Variants in PCDHA6 observed in about 807,000 individuals in gnomAD.
PCDHA6 encodes the protein protocadherin alpha-6.
Under a neutral mutation model 60.3 loss-of-function variants are expected in PCDHA6, and 55 were observed. That is an observed-to-expected ratio of 0.91 (90% CI 0.73 to 1.14). The LOEUF is 1.14. Among genes scored for constraint, PCDHA6 ranks in the 50% most tolerant of loss-of-function variants. The pLI is 0.00. For missense variants in PCDHA6, 1,327 were observed against 1,256.5 expected, an observed-to-expected ratio of 1.06 and a Z score of -0.85; for synonymous variants, 652 against 557.9, an observed-to-expected ratio of 1.17 and a Z score of -2.38.
chr5:140,835,795 G>GC, intron 1 of PCDHA6: 1 of 1,613,068 alleles, frequency 6.2e-7, no homozygotes, highest in Admixed American at 1.7e-5. Flanking sequence ...AACCCGCCGG[G>GC]CTGCCACATC....
intron 1 of PCDHA6, chr5:140,969,343 G>C: frequency 1.2e-6 from 2 of 1,613,728 alleles, no homozygotes; most frequent in Non-Finnish European, 1.7e-6. Flanking sequence ...TGAGACAGTG[G>C]TCAGGGGGTC....
At chr5:140,836,560 C>G (rs782229036) in intron 1 of PCDHA6, 1 of 1,613,738 alleles carries the variant, frequency 6.2e-7, no homozygotes, top group Non-Finnish European at 8.5e-7. Flanking sequence ...TGCTCAGCGC[C>G]GTCCTCTGAG....
At position 141,009,794 on chromosome 5, in the gene PCDHA6, A is replaced by G. The variant is rs1314860754; in HGVS notation, c.2710A>G (p.Thr904Ala). 1.2e-6 allele frequency: 2 copies of G among 1,614,042 alleles called. No homozygotes were observed. Among genetic ancestry groups the G allele is most frequent in the South Asian group, 1.1e-5 (1 of 91,076 alleles). Reference protein sequence around the residue: ...PAIISIRQEPTNSQIDKSDFI... With the variant: ...PAIISIRQEPANSQIDKSDFI... ...AATCATCTCCATCCGGCAGGAGCCTACTAACAGCCAAATTGACAAAAGTGA... is the reference window on the plus strand; with the variant it reads ...AATCATCTCCATCCGGCAGGAGCCTGCTAACAGCCAAATTGACAAAAGTGA... The change falls in exon 4 of 4, where the codon ACT (threonine) becomes GCT (alanine). Residue 904 changes from threonine (T) to alanine (A), a missense_variant. Physicochemically the swap from Thr to Ala is moderately conservative, Grantham distance 58. Coordinates refer to ENST00000529310, the MANE Select transcript of PCDHA6 (RefSeq NM_018909.4).
chr5:140,969,005 G>A (rs149076230), intron 1 of PCDHA6: 1 of 1,614,168 alleles, frequency 6.2e-7, no homozygotes, highest in Non-Finnish European at 8.5e-7. Flanking sequence ...AGGCTTCTGT[G>A]GAGTAAGGGA....
chr5:140,835,890 G>A (rs147416989), intron 1 of PCDHA6: 18 of 1,611,850 alleles, frequency 1.1e-5, no homozygotes, highest in Non-Finnish European at 1.4e-5. Context: ...GGGCGAGCGC[G>A]CGCTGTCGAG....
intron 1 of PCDHA6, chr5:140,869,555 G>C (rs2051240207): frequency 6.2e-7 from 1 of 1,614,054 alleles, no homozygotes; most frequent in Non-Finnish European, 8.5e-7. Flanking sequence ...TCGGACTCGC[G>C]TTTTCCACTA....
chr5:140,870,052 A>C (rs782520778), intron 1 of PCDHA6: 1 of 1,613,830 alleles, frequency 6.2e-7, no homozygotes, highest in Non-Finnish European at 8.5e-7. Flanking sequence ...GTTTTATAAA[A>C]TTGAAGTACA....
intron 3 of PCDHA6, among the ~76,000 whole-genome samples, chr5:141,000,248 C>T (rs1027764843): frequency 2.6e-5 from 4 of 151,280 alleles, no homozygotes; most frequent in Non-Finnish European, 4.4e-5. Context: ...GTGGCTGACA[C>T]CTGTGATCCT....
rs149795080 is a variant in PCDHA6 at position 140,995,000 on chromosome 5, T to C, written c.2542+12437T>C. Among the ~76,000 whole-genome samples the C allele has an allele frequency of 1.7e-3, 261 of 152,326 alleles. 1 individual carries two copies. The highest frequency in any genetic ancestry group is 6.1e-3 in the African/African-American group (253 of 41,578). ...GAGACCCACTAGAAGGTTAGTTGGTTTGTTTATATTTAGGAAAGAAGATTC... is the reference window on the plus strand; with the variant it reads ...GAGACCCACTAGAAGGTTAGTTGGTCTGTTTATATTTAGGAAAGAAGATTC... On this transcript the variant is annotated intron_variant, in intron 3 of 3. Transcript: ENST00000529310.
chr5:140,869,288 G>A lies in PCDHA6; in HGVS notation c.2394+38803G>A, dbSNP rs950790626. 6.2e-6 allele frequency: 10 copies of A among 1,613,460 alleles called. No individual in the cohort carries two copies. The highest frequency in any genetic ancestry group is 1.7e-5 in the Admixed American group (1 of 59,996). On this transcript the variant is annotated intron_variant, in intron 1 of 3. Coordinates refer to ENST00000529310, the MANE Select transcript of PCDHA6 (RefSeq NM_018909.4). ...CTGGAGCTGGCGGAGCTGGTGCAGC[G>A]CCTGTTCCGGGTGGCGTCCAAAACA...
intron 1 of PCDHA6, chr5:140,966,970 G>A (rs1554228990): frequency 6.2e-7 from 1 of 1,602,870 alleles, no homozygotes; most frequent in Admixed American, 1.7e-5. Flanking sequence ...TGGGGCTTGA[G>A]CTGCGGCGCT....
At chr5:140,857,662 TGGG>T (rs782196034) in intron 1 of PCDHA6, 1 of 1,596,528 alleles carries the variant, frequency 6.3e-7, no homozygotes. Context: ...GCGCGCGCGA[TGGG>T]GGCGTGCCGC....
Position 140,886,603 on chromosome 5 carries a change from G to GGATCAGGA in PCDHA6, c.2394+56128_2394+56135dup, listed in dbSNP as rs567691866. On this transcript the variant is annotated intron_variant, in intron 1 of 3. Coordinates refer to ENST00000529310, the MANE Select transcript of PCDHA6 (RefSeq NM_018909.4). ...AGCACTTTGGGAGGCCAAGGTGGGC[G>GGATCAGGA]GATCAGGAGATCAGGAGTCCGAGAC... 2.7e-3 allele frequency among the ~76,000 whole-genome samples: 409 copies of GGATCAGGA among 152,092 alleles called. 3 individuals carry two copies. The highest frequency in any genetic ancestry group is 0.014 in the Middle Eastern group (4 of 294).
At chr5:140,985,818 C>T (rs1377098916) in intron 3 of PCDHA6, among the ~76,000 whole-genome samples, 1 of 142,038 alleles carries the variant, frequency 7.0e-6, no homozygotes, top group Non-Finnish European at 1.5e-5. Flanking sequence ...CAGCTCACAA[C>T]AAGCTCTGCC....
At chr5:140,967,390 G>A (rs2096135950) in intron 1 of PCDHA6, 2 of 1,609,752 alleles carry the variant, frequency 1.2e-6, no homozygotes, top group African/African-American at 1.3e-5. Context: ...AAGTGCTTGA[G>A]CTGGTGCTGC....
At chr5:140,900,270 T>C (rs1203586696) in intron 1 of PCDHA6, among the ~76,000 whole-genome samples, 1 of 152,082 alleles carries the variant, frequency 6.6e-6, no homozygotes, top group Non-Finnish European at 1.5e-5. Flanking sequence ...ATTGTGTATA[T>C]GTACCACACT....
At chr5:141,001,289 TGAGGCCCA>T (rs1387793441) in intron 3 of PCDHA6, among the ~76,000 whole-genome samples, 1 of 152,150 alleles carries the variant, frequency 6.6e-6, no homozygotes, top group Non-Finnish European at 1.5e-5. Context: ...GGATGAAAAC[TGAGGCCCA>T]GAGATATGAA....
At chr5:140,954,831 C>CCT (rs2095096167) in intron 1 of PCDHA6, among the ~76,000 whole-genome samples, 1 of 152,116 alleles carries the variant, frequency 6.6e-6, no homozygotes, top group Admixed American at 6.5e-5. Flanking sequence ...GCACTTTTGT[C>CCT]ATGAAATCTT....
At chr5:140,992,914 C>T (rs1383362253) in intron 3 of PCDHA6, among the ~76,000 whole-genome samples, 1 of 152,220 alleles carries the variant, frequency 6.6e-6, no homozygotes, top group African/African-American at 2.4e-5. Context: ...CTTAGGCCCT[C>T]TCCATACTTA....
Sources: allele counts gnomAD v4.1 joint callset (sites outside exome capture counted in the v4.1 genomes callset), GRCh38; gene constraint gnomAD v4.1.1; transcripts MANE v1.5; gene names NCBI Gene and HGNC (gene_info 2026-07-23, HGNC 2026-07-21).